EIPR1: variants seen among roughly 807,000 people sequenced by gnomAD.
The protein encoded by EIPR1 is EARP and GARP complex-interacting protein 1.
A neutral mutation model predicts 48.1 loss-of-function variants in EIPR1; 25 were observed. The ratio of observed to expected loss-of-function variants is 0.52; its 90% CI spans 0.38 to 0.73. The LOEUF is 0.73. Ranked by LOEUF, EIPR1 falls within the 30% of genes least tolerant of loss-of-function variation. The probability of loss-of-function intolerance (pLI) is 0.00; values close to 1 mark genes in which losing one functional copy is unlikely to be tolerated. For missense variants in EIPR1, 415 were observed against 506.2 expected, an observed-to-expected ratio of 0.82 and a Z score of 1.73; for synonymous variants, 204 against 201.9, an observed-to-expected ratio of 1.01 and a Z score of -0.09.
In EIPR1 at chr2:3,304,116, A is replaced by G. The variant is rs1009346130; in HGVS notation, c.259+33901T>C. On this transcript the variant is annotated intron_variant, in intron 3 of 8. Transcript: ENST00000382125. ...GAAAGGATCCATCTGAAGGGCTGGA[A>G]ACGCCCAGGCACGCGGACAGGCAGC... is the stretch of plus-strand genomic sequence containing the variant. 1.4e-4 allele frequency among the ~76,000 whole-genome samples: 21 copies of G among 152,320 alleles called. 1 individual carries two copies. Among genetic ancestry groups the G allele is most frequent in the Admixed American group, 1.2e-3 (18 of 15,314 alleles).
At chr2:3,327,277 G>A (rs761569777) in intron 3 of EIPR1, among the ~76,000 whole-genome samples, 50 of 152,182 alleles carry the variant, frequency 3.3e-4, no homozygotes, top group Non-Finnish European at 5.6e-4. Context: ...GCCACCTCCC[G>A]GGGTCAAGCG....
At chr2:3,223,964 C>T (rs767313017) in intron 4 of EIPR1, among the ~76,000 whole-genome samples, 4 of 152,208 alleles carry the variant, frequency 2.6e-5, no homozygotes, top group Admixed American at 6.5e-5. Flanking sequence ...CGGGAACAAA[C>T]GCTTCAGAGT....
intron 4 of EIPR1, among the ~76,000 whole-genome samples, chr2:3,246,848 G>A (rs1558248828): frequency 5.4e-5 from 4 of 74,638 alleles, no homozygotes; most frequent in Non-Finnish European, 1.1e-4. Context: ...AGGAAGGGAG[G>A]GAAGGAGGAA....
In EIPR1 at chr2:3,246,622, A is replaced by T. The variant is rs560683370; in HGVS notation, c.416+10677T>A. On this transcript the variant is annotated intron_variant, in intron 4 of 8. Coordinates refer to ENST00000382125, the MANE Select transcript of EIPR1 (RefSeq NM_003310.5). ...CACAGAGATCAGCTAGCCACCATGC[A>T]GGTGACGGGCACTTGGACATGTCAG... is the stretch of plus-strand genomic sequence containing the variant. Among the ~76,000 whole-genome samples, 22 of 152,090 alleles carry T rather than the reference A, an allele frequency of 1.4e-4. 1 individual carries two copies. The highest frequency in any genetic ancestry group is 5.3e-4 in the African/African-American group (22 of 41,496).
intron 4 of EIPR1, among the ~76,000 whole-genome samples, chr2:3,237,639 G>A (rs1330626193): frequency 6.6e-6 from 1 of 152,150 alleles, no homozygotes. Context: ...GCTAAGAGGA[G>A]AGCACAGAAC....
rs751854345 is a variant in EIPR1, at chr2:3,354,591, G to T, written c.85C>A (p.Arg29=). The change falls in exon 2 of 9, where the codon CGG becomes AGG. Residue 29 remains arginine, a synonymous_variant. Coordinates refer to ENST00000382125, the MANE Select transcript of EIPR1 (RefSeq NM_003310.5). ...TPQTAETDAI[R]FLVGTQSLKY... is the part of the protein sequence containing the mutation. ...AGAGACTGCGTCCCAACCAAAAACCGAATGGCATCTGTTTCTGCAGTTTGA... is the reference window on the plus strand; with the variant it reads ...AGAGACTGCGTCCCAACCAAAAACCTAATGGCATCTGTTTCTGCAGTTTGA... The T allele has an allele frequency of 3.1e-6, 5 of 1,613,976 alleles. No homozygotes were observed. The highest frequency in any genetic ancestry group is 2.2e-5 in the East Asian group (1 of 44,864).
intron 4 of EIPR1, among the ~76,000 whole-genome samples, chr2:3,250,205 C>T (rs1460777701): frequency 6.6e-6 from 1 of 152,216 alleles, no homozygotes; most frequent in Admixed American, 6.5e-5. Flanking sequence ...TTGACTCCAA[C>T]CCATGCAGGC....
chr2:3,323,196 C>T (rs1427403717), intron 3 of EIPR1, among the ~76,000 whole-genome samples: 1 of 151,966 alleles, frequency 6.6e-6, no homozygotes, highest in East Asian at 1.9e-4. Context: ...TGCAATGATT[C>T]CATATAGGCG....
chr2:3,316,285 C>T (rs1184878318), intron 3 of EIPR1, among the ~76,000 whole-genome samples: 2 of 151,884 alleles, frequency 1.3e-5, no homozygotes, highest in Admixed American at 6.6e-5. Context: ...ACACCCAGGA[C>T]CCCTCTACCC....
At chr2:3,366,776 C>T (rs1034401678) in intron 1 of EIPR1, among the ~76,000 whole-genome samples, 6 of 152,110 alleles carry the variant, frequency 3.9e-5, no homozygotes, top group Non-Finnish European at 7.4e-5. Flanking sequence ...TTCAACTGGC[C>T]GGGCGCGGTG....
intron 4 of EIPR1, among the ~76,000 whole-genome samples, chr2:3,234,465 C>T (rs545977996): frequency 3.9e-5 from 6 of 152,250 alleles, no homozygotes; most frequent in African/African-American, 1.4e-4. Context: ...CGCATCGAGG[C>T]TCCGGCAGCC....
intron 6 of EIPR1, chr2:3,194,474 C>T (rs767290962): frequency 2.3e-5 from 5 of 220,986 alleles, no homozygotes; most frequent in African/African-American, 4.4e-5. Context: ...AGAATGAAAG[C>T]ATGCCAGAGG....
chr2:3,202,699 C>T (rs1665091764), intron 5 of EIPR1, among the ~76,000 whole-genome samples: 1 of 152,202 alleles, frequency 6.6e-6, no homozygotes, highest in African/African-American at 2.4e-5. Flanking sequence ...GCTATTCTGC[C>T]ATCCCAAGCT....
At chr2:3,325,067 C>A (rs1478518011) in intron 3 of EIPR1, among the ~76,000 whole-genome samples, 1 of 152,224 alleles carries the variant, frequency 6.6e-6, no homozygotes, top group Non-Finnish European at 1.5e-5. Context: ...CATAAGCAAC[C>A]CTGCCTAGTG....
At chr2:3,290,207 T>A (rs1269307273) in intron 3 of EIPR1, among the ~76,000 whole-genome samples, 2 of 152,194 alleles carry the variant, frequency 1.3e-5, no homozygotes, top group Admixed American at 6.5e-5. Flanking sequence ...CTCGTCTCGC[T>A]CACCCGGATG....
chr2:3,227,633 T>C (rs1470528507), intron 4 of EIPR1, among the ~76,000 whole-genome samples: 2 of 152,220 alleles, frequency 1.3e-5, no homozygotes. Flanking sequence ...GGGGAAAATT[T>C]CTCCAGGGCA....
chr2:3,377,369 T>G, intron 1 of EIPR1: 1 of 397,220 alleles, frequency 2.5e-6, no homozygotes, highest in East Asian at 3.7e-5. Flanking sequence ...TGTAAATAAA[T>G]GAGTCCACCA....
At chr2:3,320,302 C>T (rs990939865) in intron 3 of EIPR1, 1 of 167,792 alleles carries the variant, frequency 6.0e-6, no homozygotes, top group African/African-American at 2.4e-5. Flanking sequence ...TGACACCACA[C>T]CTGCGGGCAG....
intron 2 of EIPR1, among the ~76,000 whole-genome samples, chr2:3,348,549 G>C (rs1558313630): frequency 1.3e-5 from 2 of 152,310 alleles, no homozygotes; most frequent in South Asian, 4.1e-4. Flanking sequence ...AAGGACCCCA[G>C]AAATCCTTGT....
Sources: allele counts gnomAD v4.1 joint callset (sites outside exome capture counted in the v4.1 genomes callset), GRCh38; gene constraint gnomAD v4.1.1; transcripts MANE v1.5; gene names NCBI Gene and HGNC (gene_info 2026-07-23, HGNC 2026-07-21).